SEMA5B: variants seen among roughly 807,000 people sequenced by gnomAD.
SEMA5B encodes the protein semaphorin 5B.
In SEMA5B, 66 loss-of-function variants were observed where a neutral mutation model predicts 135.0. That is an observed-to-expected ratio of 0.49 (90% CI 0.40 to 0.60). SEMA5B has a LOEUF of 0.60. SEMA5B is among the 20% of genes least tolerant of loss of function. The probability of loss-of-function intolerance (pLI) is 0.00; values close to 1 mark genes in which losing one functional copy is unlikely to be tolerated. For missense variants in SEMA5B, 1,501 were observed against 1,566.3 expected, an observed-to-expected ratio of 0.96 and a Z score of 0.70; for synonymous variants, 690 against 639.5, an observed-to-expected ratio of 1.08 and a Z score of -1.19.
chr3:123,015,916 G>C (rs371911203), intron 1 of SEMA5B, among the ~76,000 whole-genome samples: 1 of 152,212 alleles, frequency 6.6e-6, no homozygotes, highest in Non-Finnish European at 1.5e-5. Context: ...GCCACCATGC[G>C]ATGTCTGGGC....
chr3:122,922,187 C>A, intron 11 of SEMA5B, 53 bp downstream of exon 11: 1 of 1,573,884 alleles, frequency 6.4e-7, no homozygotes, highest in South Asian at 1.1e-5. Flanking sequence ...AGCCCCGCGC[C>A]GTCCCTCAAC....
intron 5 of SEMA5B, among the ~76,000 whole-genome samples, chr3:122,929,367 C>T (rs572633806): frequency 1.3e-5 from 2 of 152,330 alleles, no homozygotes; most frequent in African/African-American, 4.8e-5. Flanking sequence ...CCCTCGGAGT[C>T]AGCCAGGGAG....
chr3:122,911,942 G>T lies in SEMA5B; in HGVS notation c.3024C>A (p.Pro1008=), dbSNP rs747822786. The T allele has an allele frequency of 6.2e-7, 1 of 1,606,374 alleles. No individual in the cohort carries two copies. The highest frequency in any genetic ancestry group is 8.5e-7 in the Non-Finnish European group (1 of 1,174,462). Residue 1008 remains proline, a synonymous_variant, in exon 20 of 23, where the codon CCC becomes CCA. Transcript: ENST00000357599. ...ACAGNSSQSR[P]CPYSEIPVIL... is the part of the protein sequence containing the mutation. Reference sequence around the variant, plus strand: ...TACCGGGAATCTCGCTGTAGGGGCAGGGGCGGCTCTGGCTGCTGTTTCCAG... The same window carrying T: ...TACCGGGAATCTCGCTGTAGGGGCATGGGCGGCTCTGGCTGCTGTTTCCAG...
At chr3:122,950,374 A>G (rs1205917030) in intron 2 of SEMA5B, among the ~76,000 whole-genome samples, 2 of 152,192 alleles carry the variant, frequency 1.3e-5, no homozygotes, top group Non-Finnish European at 2.9e-5. Flanking sequence ...TCCTGGCAAT[A>G]TCTGGCAAAA....
At chr3:122,963,218 C>G (rs781201455) in intron 1 of SEMA5B, among the ~76,000 whole-genome samples, 1 of 152,136 alleles carries the variant, frequency 6.6e-6, no homozygotes, top group Non-Finnish European at 1.5e-5. Context: ...CCAAACTGGC[C>G]GAGTGCAGTG....
At chr3:123,017,011 C>T (rs1364931831) in intron 1 of SEMA5B, among the ~76,000 whole-genome samples, 2 of 151,446 alleles carry the variant, frequency 1.3e-5, no homozygotes, top group Non-Finnish European at 2.9e-5. Context: ...CCTGCCTCAG[C>T]CTCCTGAGTA....
At chr3:122,921,767 C>A in intron 12 of SEMA5B, 148 bp downstream of exon 12, 2 of 594,264 alleles carry the variant, frequency 3.4e-6, no homozygotes, top group South Asian at 4.9e-5. Context: ...GAGGAGAGAA[C>A]CAAGGTTCAG....
intron 1 of SEMA5B, chr3:122,975,904 C>A (rs553064741): frequency 2.0e-6 from 3 of 1,466,420 alleles, no homozygotes; most frequent in East Asian, 2.5e-5. Flanking sequence ...CTGCCTCAGA[C>A]TCCCTCTCCT....
At chr3:122,937,094 G>A (rs1016055060) in intron 5 of SEMA5B, among the ~76,000 whole-genome samples, 2 of 152,258 alleles carry the variant, frequency 1.3e-5, no homozygotes, top group Admixed American at 6.5e-5. Flanking sequence ...CCATAATGGG[G>A]AGTTTTAACC....
In SEMA5B at chr3:122,975,849, C is replaced by T. The variant is rs1941299731; in HGVS notation, c.-38-14548G>A. 4.8e-6 allele frequency: 5 copies of T among 1,049,452 alleles called. No homozygotes were observed. The East Asian group carries it at 1.3e-4, about 27-fold the overall frequency. 65.0% of individuals were successfully genotyped at this position (1,049,452 alleles called of 1,614,324 possible). A position where few individuals can be genotyped will look rare whatever the true frequency, so the allele number is the denominator to read the frequency against. Reference sequence around the variant, plus strand: ...AAAACCCCCACCAGCTCCCCACTGCCTACACAACCAAATCCAAACACCCTG... The same window carrying T: ...AAAACCCCCACCAGCTCCCCACTGCTTACACAACCAAATCCAAACACCCTG... On this transcript the variant is annotated intron_variant, in intron 1 of 22. Coordinates refer to ENST00000357599, the MANE Select transcript of SEMA5B (RefSeq NM_001031702.4).
At chr3:122,932,243 ATT>A (rs71136597) in intron 5 of SEMA5B, among the ~76,000 whole-genome samples, 4 of 85,390 alleles carry the variant, frequency 4.7e-5, no homozygotes, top group South Asian at 5.6e-4. Flanking sequence ...TCTCAATATG[ATT>A]TTTTTTTTTT....
At chr3:122,939,121 CA>C (rs1240237917) in intron 5 of SEMA5B, among the ~76,000 whole-genome samples, 1 of 152,344 alleles carries the variant, frequency 6.6e-6, no homozygotes, top group East Asian at 1.9e-4. Context: ...TTCTCAGTCC[CA>C]AACAGGGACA....
rs1376564314 is a variant in SEMA5B, at chr3:122,921,950, G to A, written c.1653C>T (p.Val551=). 3 of 1,535,638 alleles carry A rather than the reference G, an allele frequency of 2.0e-6. No individual in the cohort carries two copies. The highest frequency in any genetic ancestry group is 2.6e-6 in the Non-Finnish European group (3 of 1,145,628). The change falls in exon 12 of 23, where the codon GTC becomes GTT. Residue 551 remains valine, a synonymous_variant. Coordinates refer to ENST00000357599, the MANE Select transcript of SEMA5B (RefSeq NM_001031702.4). The part of the protein sequence containing the change: ...FVGLRDGVLR[V]PLERCAAYRS... The stretch of plus-strand genomic sequence containing the variant: ...GGTAGGCGGCGCACCTCTCCAGTGG[G>A]ACCCGCAGGACGCCGTCTCTCAGCC...
rs1576412926 is a variant in SEMA5B, at chr3:123,019,417, C to A, written c.-39+8047G>T. Among the ~76,000 whole-genome samples the A allele has an allele frequency of 2.6e-5, 4 of 152,130 alleles. No individual in the cohort carries two copies. The South Asian group carries it at 8.3e-4, about 32-fold the overall frequency. On this transcript the variant is annotated intron_variant, in intron 1 of 22. Coordinates refer to ENST00000357599, the MANE Select transcript of SEMA5B (RefSeq NM_001031702.4). ...CTGAGACAAGCCTGGGTAGAAACCC[C>A]GTCTCTACATGAAACACAAAAGTTA...
Position 122,961,217 on chromosome 3 carries a change from G to A in SEMA5B, c.47C>T (p.Pro16Leu). The A allele has an allele frequency of 6.2e-7, 1 of 1,614,046 alleles. No homozygotes were observed. Among genetic ancestry groups the A allele is most frequent in the East Asian group, 2.2e-5 (1 of 44,882 alleles). The change falls in exon 2 of 23, where the codon CCT becomes CTT. Residue 16 changes from proline (P) to leucine (L), a missense_variant. Around this residue, in one of 2 missense-constraint regions of SEMA5B, gnomAD observed 574 missense variants for 684.7 expected, o/e 0.84. Coordinates refer to ENST00000357599, the MANE Select transcript of SEMA5B (RefSeq NM_001031702.4). ...TTGGGCTGGGGTATCAGGCGGCCCAGGGACGAGGTGGTGGGCAACAGGAGA... is the reference window on the plus strand; with the variant it reads ...TTGGGCTGGGGTATCAGGCGGCCCAAGGACGAGGTGGTGGGCAACAGGAGA... ...SPSPVAHHLVPGPPDTPAQQL... is the reference protein window; with the variant it reads ...SPSPVAHHLVLGPPDTPAQQL...
chr3:122,983,867 G>C (rs1170066873), intron 1 of SEMA5B, among the ~76,000 whole-genome samples: 4 of 151,834 alleles, frequency 2.6e-5, no homozygotes, highest in Non-Finnish European at 4.4e-5. Flanking sequence ...ACTAATGTTA[G>C]TGTTGTGATT....
chr3:122,913,891 C>T lies in SEMA5B; in HGVS notation c.2099G>A (p.Gly700Asp), dbSNP rs755342455. ...SCSNPAPRHG[G>D]RICVGKSREE... is the part of the protein sequence containing the mutation. Reference sequence around the variant, plus strand: ...CCGGCTCTTGCCCACGCAGATGCGGCCCCCGTGGCGGGGAGCAGGGTTGCT... The same window carrying T: ...CCGGCTCTTGCCCACGCAGATGCGGTCCCCGTGGCGGGGAGCAGGGTTGCT... Residue 700 changes from glycine (G) to aspartate (D), a missense_variant, in exon 15 of 23, where the codon GGC (glycine) becomes GAC (aspartate). Coordinates refer to ENST00000357599, the MANE Select transcript of SEMA5B (RefSeq NM_001031702.4). 7 of 1,611,690 alleles carry T rather than the reference C, an allele frequency of 4.3e-6. No individual in the cohort carries two copies. Among genetic ancestry groups the T allele is most frequent in the South Asian group, 1.1e-5 (1 of 90,840 alleles).
At chr3:122,913,091 G>T in intron 17 of SEMA5B, 30 bp from the exon 18 acceptor site, 1 of 1,422,484 alleles carries the variant, frequency 7.0e-7, no homozygotes, top group Non-Finnish European at 9.1e-7. Flanking sequence ...CAGCGACTGG[G>T]CGCCCGGCCA....
At chr3:123,019,248 C>A (rs1320792195) in intron 1 of SEMA5B, among the ~76,000 whole-genome samples, 3 of 152,268 alleles carry the variant, frequency 2.0e-5, no homozygotes, top group Non-Finnish European at 2.9e-5. Context: ...TGACCTTGGG[C>A]AAATCATTTT....
Sources: gnomAD v4.1 joint callset for allele counts (sites outside exome capture counted in the v4.1 genomes callset) on GRCh38, gnomAD v4.1.1 for gene constraint, gnomAD v4.1.1 regional missense constraint, MANE v1.5 for transcripts, NCBI Gene and HGNC (gene_info 2026-07-23, HGNC 2026-07-21) for gene names.